The following NRXN1 variants were observed in gnomAD, a reference collection of about 807,000 sequenced individuals.
NRXN1 encodes the protein neurexin-1.
A neutral mutation model predicts 150.9 loss-of-function variants in NRXN1; 39 were observed. That is an observed-to-expected ratio of 0.26 (90% CI 0.20 to 0.34). NRXN1 has a LOEUF of 0.34. Ranked by LOEUF, NRXN1 falls within the 10% of genes least tolerant of loss-of-function variation. The pLI is 1.00. For synonymous variants in NRXN1, 924 were observed against 757.0 expected, an observed-to-expected ratio of 1.22 and a Z score of -3.62; for missense variants, 1,815 against 1,949.9, an observed-to-expected ratio of 0.93 and a Z score of 1.30.
chr2:50,702,958 A>G (rs1206478362), intron 5 of NRXN1, among the ~76,000 whole-genome samples: 1 of 152,062 alleles, frequency 6.6e-6, no homozygotes, highest in East Asian at 1.9e-4. Context: ...CCTTTATAAT[A>G]GGATATAAAC....
At chr2:50,333,846 C>T (rs1378212389) in intron 17 of NRXN1, among the ~76,000 whole-genome samples, 4 of 152,050 alleles carry the variant, frequency 2.6e-5, no homozygotes, top group Admixed American at 6.6e-5. Context: ...TAAACACCCA[C>T]ATTTTGGTAA....
chr2:50,391,757 A>G (rs1407176159), intron 17 of NRXN1, among the ~76,000 whole-genome samples: 1 of 152,164 alleles, frequency 6.6e-6, no homozygotes, highest in Non-Finnish European at 1.5e-5. Context: ...ACACAGAAGA[A>G]TAAGAATTAA....
chr2:50,060,190 T>A (rs1573667353), intron 19 of NRXN1, among the ~76,000 whole-genome samples: 1 of 152,166 alleles, frequency 6.6e-6, no homozygotes, highest in Admixed American at 6.5e-5. Context: ...CCCAAGACCA[T>A]GGGAACCTTC....
At chr2:50,166,365 G>A (rs1013132393) in intron 18 of NRXN1, among the ~76,000 whole-genome samples, 11 of 150,548 alleles carry the variant, frequency 7.3e-5, no homozygotes, top group African/African-American at 2.7e-4. Context: ...AAGCCACTAA[G>A]AATGCCCTCC....
At chr2:50,415,955 C>CAAAAAAAA (rs10585013) in intron 17 of NRXN1, among the ~76,000 whole-genome samples, 3 of 88,832 alleles carry the variant, frequency 3.4e-5, no homozygotes, top group African/African-American at 9.0e-5. Context: ...CAACAACATA[C>CAAAAAAAA]AAAAAAAAAA....
At chr2:50,991,031 A>G (rs1698466937) in intron 2 of NRXN1, among the ~76,000 whole-genome samples, 1 of 152,034 alleles carries the variant, frequency 6.6e-6, no homozygotes, top group African/African-American at 2.4e-5. Flanking sequence ...TTCAGCAAAT[A>G]ACTCTTTCAG....
intron 8 of NRXN1, among the ~76,000 whole-genome samples, chr2:50,609,579 C>G (rs946136961): frequency 6.6e-6 from 1 of 152,112 alleles, no homozygotes; most frequent in African/African-American, 2.4e-5. Context: ...GAAACATCAA[C>G]TATCTTACCT....
intron 17 of NRXN1, among the ~76,000 whole-genome samples, chr2:50,341,877 A>T (rs991998540): frequency 5.3e-5 from 8 of 152,194 alleles, no homozygotes; most frequent in African/African-American, 1.9e-4. Context: ...GTCCCAGATG[A>T]TTGCTACATA....
intron 5 of NRXN1, among the ~76,000 whole-genome samples, chr2:50,853,358 T>G (rs59578816): frequency 0.1 from 15,702 of 152,158 alleles, 912 homozygotes; most frequent in Middle Eastern, 0.11. Flanking sequence ...ATGTCCAAGT[T>G]TGCCAATGGC....
chr2:50,120,326 A>G (rs1363898667), intron 18 of NRXN1, among the ~76,000 whole-genome samples: 1 of 152,142 alleles, frequency 6.6e-6, no homozygotes, highest in Non-Finnish European at 1.5e-5. Flanking sequence ...ATACGTATGC[A>G]CACACACCAA....
intron 17 of NRXN1, among the ~76,000 whole-genome samples, chr2:50,357,543 G>A (rs755092418): frequency 5.9e-5 from 9 of 151,902 alleles, no homozygotes; most frequent in Admixed American, 1.3e-4. Flanking sequence ...CCCAACCTCA[G>A]GTGATCCACT....
chr2:50,238,180 C>T (rs2065653750), intron 17 of NRXN1, among the ~76,000 whole-genome samples: 1 of 152,022 alleles, frequency 6.6e-6, no homozygotes, highest in South Asian at 2.1e-4. Flanking sequence ...CTCAATGCAT[C>T]ATTCATTGGC....
chr2:50,564,095 G>C (rs1455608053), intron 8 of NRXN1, among the ~76,000 whole-genome samples: 1 of 152,214 alleles, frequency 6.6e-6, no homozygotes, highest in Admixed American at 6.5e-5. Context: ...TATTCAAACA[G>C]TCTCAGGTTT....
intron 19 of NRXN1, among the ~76,000 whole-genome samples, chr2:50,058,289 C>A (rs914473530): frequency 6.6e-5 from 10 of 152,138 alleles, no homozygotes; most frequent in Admixed American, 5.9e-4. Flanking sequence ...ATCGAATAGG[C>A]AGTAGACACA....
At chr2:50,183,600 C>T (rs1185003678) in intron 18 of NRXN1, among the ~76,000 whole-genome samples, 1 of 150,574 alleles carries the variant, frequency 6.6e-6, no homozygotes, top group Non-Finnish European at 1.5e-5. Context: ...AGTGTTTCAA[C>T]CTGGGTAATG....
At chr2:51,008,348 C>A (rs1055935451) in intron 2 of NRXN1, among the ~76,000 whole-genome samples, 1 of 151,752 alleles carries the variant, frequency 6.6e-6, no homozygotes, top group East Asian at 1.9e-4. Context: ...CTGTGAGTGG[C>A]GATGGTGAAG....
At chr2:50,460,674 C>A (rs1191150051) in intron 17 of NRXN1, among the ~76,000 whole-genome samples, 1 of 151,966 alleles carries the variant, frequency 6.6e-6, no homozygotes, top group Non-Finnish European at 1.5e-5. Context: ...ATACATTATG[C>A]TTTATTTTCT....
chr2:50,516,682 T>C (rs1357698655), intron 12 of NRXN1, among the ~76,000 whole-genome samples: 2 of 152,116 alleles, frequency 1.3e-5, no homozygotes, highest in South Asian at 2.1e-4. Flanking sequence ...CTATTCCTCC[T>C]CAAGTGCTCC....
chr2:49,987,894 T>C (rs1681211676), intron 21 of NRXN1, among the ~76,000 whole-genome samples: 1 of 152,100 alleles, frequency 6.6e-6, no homozygotes, highest in Non-Finnish European at 1.5e-5. Flanking sequence ...TCAATTTATA[T>C]ATTTAGTTGT....
Sources: allele counts gnomAD v4.1 joint callset (sites outside exome capture counted in the v4.1 genomes callset), GRCh38; gene constraint gnomAD v4.1.1; transcripts MANE v1.5; gene names NCBI Gene and HGNC (gene_info 2026-07-23, HGNC 2026-07-21).